YME1L1: variants seen among roughly 807,000 people sequenced by gnomAD.
The protein encoded by YME1L1 is ATP-dependent zinc metalloprotease YME1L1.
In YME1L1, 39 loss-of-function variants were observed where a neutral mutation model predicts 90.4. The observed-to-expected ratio is 0.43, with a 90% confidence interval of 0.33 to 0.56. The LOEUF is 0.56. YME1L1 is among the 20% of genes least tolerant of loss of function. YME1L1 has a pLI of 0.03. For missense variants in YME1L1, 617 were observed against 868.4 expected, an observed-to-expected ratio of 0.71 and a Z score of 3.64; for synonymous variants, 284 against 287.3, an observed-to-expected ratio of 0.99 and a Z score of 0.12.
rs542471411 is a variant in YME1L1 at position 27,119,433 on chromosome 10, A to G, written c.1428T>C (p.Ile476=). Residue 476 remains isoleucine (I), a synonymous_variant, in exon 14 of 19, where the codon ATT becomes ATC. Coordinates refer to ENST00000376016, the MANE Select transcript of YME1L1 (RefSeq NM_014263.4). ...AAAAGCCAACAGTACCTCGAGCTAT[A>G]ATTTCTGGATCAACGGCTAATGTAA... ...IKFDQSVDPE[I]IARGTVGFSG... 8.7e-6 allele frequency: 14 copies of G among 1,609,314 alleles called. No individual in the cohort carries two copies. Among genetic ancestry groups the G allele is most frequent in the South Asian group, 1.1e-5 (1 of 90,274 alleles).
chr10:27,120,990 TAC>T (rs1447608221), intron 12 of YME1L1, among the ~76,000 whole-genome samples: 2 of 141,326 alleles, frequency 1.4e-5, no homozygotes, highest in Non-Finnish European at 3.0e-5. Flanking sequence ...GTTATAATAC[TAC>T]AGTTAATTTA....
At chr10:27,127,853 A>AT (rs2056936869) in intron 8 of YME1L1, among the ~76,000 whole-genome samples, 1 of 152,184 alleles carries the variant, frequency 6.6e-6, no homozygotes, top group African/African-American at 2.4e-5. Context: ...CTTCAATGAA[A>AT]TTTATGGTTA....
rs2057285211 is a variant in YME1L1, at chr10:27,154,282, G to A, written c.-72C>T. ...CCTCTGTCCACGGCCCGGCGGGGAG[G>A]CGCTGAGCCCTTCTTTTTTCCTTTT... On this transcript the variant is annotated 5_prime_UTR_variant, in exon 1 of 19. Transcript: ENST00000376016. 2 of 1,521,142 alleles carry A rather than the reference G, an allele frequency of 1.3e-6. No individual in the cohort carries two copies. The highest frequency in any genetic ancestry group is 1.8e-6 in the Non-Finnish European group (2 of 1,126,934). 94.2% of individuals were successfully genotyped at this position (1,521,142 alleles called of 1,614,324 possible). A position where few individuals can be genotyped will look rare whatever the true frequency, so the allele number is the denominator to read the frequency against.
At chr10:27,147,306 G>T in intron 2 of YME1L1, 1 of 940,640 alleles carries the variant, frequency 1.1e-6, no homozygotes, top group African/African-American at 1.7e-5. Flanking sequence ...TCAGCCTGGT[G>T]AAGAAAGCAA....
intron 2 of YME1L1, 73 bp from the exon 3 acceptor site, chr10:27,145,663 A>C: frequency 8.2e-7 from 1 of 1,218,202 alleles, no homozygotes; most frequent in Non-Finnish European, 1.1e-6. Flanking sequence ...ACATATTATC[A>C]GTTAAAACAA....
At chr10:27,130,225 G>T (rs1377349432) in intron 8 of YME1L1, among the ~76,000 whole-genome samples, 1 of 152,058 alleles carries the variant, frequency 6.6e-6, no homozygotes, top group African/African-American at 2.4e-5. Flanking sequence ...TTTTCTTCCA[G>T]GATACCATTG....
chr10:27,148,088 C>A (rs1377705719), intron 2 of YME1L1, among the ~76,000 whole-genome samples: 1 of 152,012 alleles, frequency 6.6e-6, no homozygotes, highest in Non-Finnish European at 1.5e-5. Flanking sequence ...ATCTGCTGGT[C>A]CTTTATTTTT....
In YME1L1 at chr10:27,111,790, A is replaced by C; in HGVS notation, c.*187T>G. 4 of 744,172 alleles carry C rather than the reference A, an allele frequency of 5.4e-6. No individual in the cohort carries two copies. The highest frequency in any genetic ancestry group is 9.4e-6 in the Non-Finnish European group (4 of 426,094). 46.1% of individuals were successfully genotyped at this position (744,172 alleles called of 1,614,324 possible). The stretch of plus-strand genomic sequence containing the variant: ...AAAATATATTTGCCATGGGATGCTA[A>C]TTTGCAATAGGTGTCATAATGAGAA... On this transcript the variant is annotated 3_prime_UTR_variant, in exon 19 of 19. Coordinates refer to ENST00000376016, the MANE Select transcript of YME1L1 (RefSeq NM_014263.4).
intron 8 of YME1L1, among the ~76,000 whole-genome samples, chr10:27,131,651 G>A (rs1451969584): frequency 6.6e-6 from 1 of 152,164 alleles, no homozygotes; most frequent in Non-Finnish European, 1.5e-5. Context: ...ACTACACCAG[G>A]CTGCTCCTTC....
intron 1 of YME1L1, among the ~76,000 whole-genome samples, chr10:27,150,597 CT>C (rs1461503001): frequency 6.6e-6 from 1 of 152,176 alleles, no homozygotes. Context: ...GTGACTTCTG[CT>C]AGTCCTCACT....
intron 9 of YME1L1, among the ~76,000 whole-genome samples, chr10:27,125,922 C>T (rs2056914562): frequency 6.6e-6 from 1 of 152,014 alleles, no homozygotes. Context: ...AGTAATCCAC[C>T]CGCCTCCACC....
chr10:27,116,175 A>T, intron 16 of YME1L1, 42 bp from the exon 17 acceptor site: 1 of 1,613,818 alleles, frequency 6.2e-7, no homozygotes, highest in Non-Finnish European at 8.5e-7. Context: ...ACATATCTTT[A>T]AGACCACATA....
chr10:27,112,267 G>A (rs2056766570), intron 18 of YME1L1, 147 bp from the exon 19 acceptor site: 3 of 783,980 alleles, frequency 3.8e-6, no homozygotes, highest in Non-Finnish European at 5.9e-6. Flanking sequence ...TGATTCTACA[G>A]TAGAGATAAT....
In YME1L1 at chr10:27,131,938, C is replaced by A; in HGVS notation, c.779G>T (p.Arg260Leu). ...GLLKNPFLSV[R>L]FRTTTGLDSA... is the part of the protein sequence containing the mutation. ...ATCAAGCCCTGTTGTTGTCCGGAAG[C>A]GGACTAAAGGGAAGAAAAGAAATGT... The change falls in exon 8 of 19, where the codon CGC (arginine) becomes CTC (leucine). Residue 260 changes from arginine (R) to leucine (L), a missense_variant. Transcript: ENST00000376016. The A allele has an allele frequency of 6.2e-7, 1 of 1,608,088 alleles. No individual in the cohort carries two copies. The highest frequency in any genetic ancestry group is 8.5e-7 in the Non-Finnish European group (1 of 1,178,172).
chr10:27,154,377 C>T lies in YME1L1; in HGVS notation c.-167G>A. Reference sequence around the variant, plus strand: ...CCTCCCCTTCCTACAGCTACTGCAACGACAGACAATCCGCCCCGGAAGGCG... The same window carrying T: ...CCTCCCCTTCCTACAGCTACTGCAATGACAGACAATCCGCCCCGGAAGGCG... On this transcript the variant is annotated 5_prime_UTR_variant, in exon 1 of 19. Coordinates refer to ENST00000376016, the MANE Select transcript of YME1L1 (RefSeq NM_014263.4). The T allele has an allele frequency of 1.3e-6, 1 of 769,924 alleles. No homozygotes were observed. The highest frequency in any genetic ancestry group is 2.1e-6 in the Non-Finnish European group (1 of 483,076). The allele number at this position is 769,924 out of a possible 1,614,324, so 47.7% of individuals were successfully genotyped here. A position where few individuals can be genotyped will look rare whatever the true frequency, so the allele number is the denominator to read the frequency against.
chr10:27,130,149 G>C (rs965525003), intron 8 of YME1L1, among the ~76,000 whole-genome samples: 1 of 152,002 alleles, frequency 6.6e-6, no homozygotes, highest in Non-Finnish European at 1.5e-5. Flanking sequence ...AAATCAAATG[G>C]TTAGTTCTCA....
chr10:27,154,322 C>A lies in YME1L1; in HGVS notation c.-112G>T. 1 of 1,298,052 alleles carries A rather than the reference C, an allele frequency of 7.7e-7. No individual in the cohort carries two copies. Among genetic ancestry groups the A allele is most frequent in the Non-Finnish European group, 1.1e-6 (1 of 941,202 alleles). 80.4% of individuals were successfully genotyped at this position (1,298,052 alleles called of 1,614,324 possible). A position where few individuals can be genotyped will look rare whatever the true frequency, so the allele number is the denominator to read the frequency against. ...TTTTTCCTTTTTCTCCGACCCGTTGCCCCTCACTCCTCCCAGAAACGGAAA... is the reference window on the plus strand; with the variant it reads ...TTTTTCCTTTTTCTCCGACCCGTTGACCCTCACTCCTCCCAGAAACGGAAA... On this transcript the variant is annotated 5_prime_UTR_variant, in exon 1 of 19. Transcript: ENST00000376016.
intron 4 of YME1L1, among the ~76,000 whole-genome samples, chr10:27,137,062 T>C (rs1327018853): frequency 6.7e-6 from 1 of 150,312 alleles, no homozygotes; most frequent in Admixed American, 6.6e-5. Flanking sequence ...TTAAAATAGA[T>C]TGAATCTACA....
chr10:27,119,537 G>C lies in YME1L1; in HGVS notation c.1412-88C>G, dbSNP rs531592167. The C allele has an allele frequency of 1.6e-5, 22 of 1,412,284 alleles. No homozygotes were observed. In the East Asian group the frequency reaches 5.6e-4, roughly 36 times the overall value. The allele number at this position is 1,412,284 out of a possible 1,614,324, so 87.5% of individuals were successfully genotyped here. A position where few individuals can be genotyped will look rare whatever the true frequency, so the allele number is the denominator to read the frequency against. Reference sequence around the variant, plus strand: ...AAGAACTCACATTCCAACTGGGTGCGTTGGCTCATGCCTGTAATCCCAGCA... The same window carrying C: ...AAGAACTCACATTCCAACTGGGTGCCTTGGCTCATGCCTGTAATCCCAGCA... On this transcript the variant is annotated intron_variant, in intron 13 of 18. Coordinates refer to ENST00000376016, the MANE Select transcript of YME1L1 (RefSeq NM_014263.4).
Sources: allele counts gnomAD v4.1 joint callset (sites outside exome capture counted in the v4.1 genomes callset), GRCh38; gene constraint gnomAD v4.1.1; transcripts MANE v1.5; gene names NCBI Gene and HGNC (gene_info 2026-07-23, HGNC 2026-07-21).